Variants in FDFT1 observed in about 807,000 individuals in gnomAD.
The protein encoded by FDFT1 is farnesyl-diphosphate farnesyltransferase 1, also known as squalene synthase.
FDFT1 carries 68 observed loss-of-function variants against 46.8 expected under a neutral mutation model. The observed-to-expected ratio is 1.45, with a 90% confidence interval of 1.19 to 1.78. The LOEUF (loss-of-function observed/expected upper bound fraction) is 1.78, where lower values mean the gene tolerates loss of function less well. Among genes scored for constraint, FDFT1 ranks in the 40% most tolerant of loss-of-function variants. The probability of loss-of-function intolerance (pLI) is 0.00; values close to 1 mark genes in which losing one functional copy is unlikely to be tolerated. For missense variants in FDFT1, 928 were observed against 524.4 expected, an observed-to-expected ratio of 1.77 and a Z score of -7.52; for synonymous variants, 351 against 185.1, an observed-to-expected ratio of 1.90 and a Z score of -7.28.
At chr8:11,830,206 A>C in intron 5 of FDFT1, 38 bp from the exon 6 acceptor site, 2 of 1,517,604 alleles carry the variant, frequency 1.3e-6, no homozygotes, top group East Asian at 2.3e-5. Context: ...TCCCCTATGC[A>C]CACGCTGACC....
At position 11,822,265 on chromosome 8, in the gene FDFT1, T is replaced by A. The variant is rs370197831; in HGVS notation, c.510+387T>A. On this transcript the variant is annotated intron_variant, in intron 4 of 7. Coordinates refer to ENST00000220584, the MANE Select transcript of FDFT1 (RefSeq NM_004462.5). ...AGTAAAGACATTTTATTTATTTATT[T>A]TAAAGCCAGTCAGATTTAGCAGGCA... 2.2e-3 allele frequency among the ~76,000 whole-genome samples: 330 copies of A among 151,876 alleles called. 3 individuals are homozygous for A. Among genetic ancestry groups the A allele is most frequent in the African/African-American group, 7.8e-3 (320 of 41,160 alleles).
chr8:11,797,072 G>T (rs935828869), intron 1 of FDFT1, among the ~76,000 whole-genome samples: 14 of 152,232 alleles, frequency 9.2e-5, no homozygotes, highest in African/African-American at 3.1e-4. Flanking sequence ...CATTGCCATG[G>T]AAAGGGGTGG....
chr8:11,809,240 T>C (rs559616917), intron 2 of FDFT1: 10 of 1,151,090 alleles, frequency 8.7e-6, no homozygotes, highest in African/African-American at 6.4e-5. Context: ...GTTGATTCTT[T>C]TGAAGCTGCC....
intron 1 of FDFT1, among the ~76,000 whole-genome samples, chr8:11,796,781 C>G (rs577283565): frequency 6.6e-6 from 1 of 152,166 alleles, no homozygotes; most frequent in South Asian, 2.1e-4. Context: ...ACAGGCAAGC[C>G]CCAAATTGGG....
intron 3 of FDFT1, among the ~76,000 whole-genome samples, chr8:11,814,878 T>A (rs900941713): frequency 2.0e-5 from 3 of 152,186 alleles, no homozygotes; most frequent in African/African-American, 7.2e-5. Context: ...TTTCTTTTTC[T>A]TTTATTATAC....
chr8:11,819,466 C>G (rs540391435), intron 3 of FDFT1, among the ~76,000 whole-genome samples: 18 of 152,298 alleles, frequency 1.2e-4, no homozygotes, highest in African/African-American at 4.1e-4. Context: ...TCCATTCTGT[C>G]TATCACTTTC....
chr8:11,812,276 C>G (rs922649669), intron 3 of FDFT1, among the ~76,000 whole-genome samples: 1 of 152,236 alleles, frequency 6.6e-6, no homozygotes, highest in South Asian at 2.1e-4. Flanking sequence ...TGCGTCCGCA[C>G]AGTCTATTTC....
At chr8:11,830,097 C>T (rs569319678) in intron 5 of FDFT1, 147 bp from the exon 6 acceptor site, 15 of 670,438 alleles carry the variant, frequency 2.2e-5, no homozygotes, top group South Asian at 1.1e-4. Context: ...CCACCCTCCT[C>T]GGCCTCCCAA....
upstream of FDFT1, chr8:11,802,271 C>G (rs1806202238): frequency 2.6e-6 from 1 of 382,484 alleles, no homozygotes; most frequent in Non-Finnish European, 5.2e-6. Flanking sequence ...CTACAGAGAG[C>G]GGCTGCAGAG....
upstream of FDFT1, among the ~76,000 whole-genome samples, chr8:11,799,918 C>T (rs1444208659): frequency 1.4e-5 from 2 of 147,394 alleles, no homozygotes; most frequent in East Asian, 3.9e-4. Flanking sequence ...TGCACTCCAG[C>T]CTCACGACAG....
At chr8:11,817,608 C>T (rs552960969) in intron 3 of FDFT1, among the ~76,000 whole-genome samples, 3 of 152,260 alleles carry the variant, frequency 2.0e-5, no homozygotes, top group Non-Finnish European at 2.9e-5. Flanking sequence ...GTGTATGTGT[C>T]GAGGAATGTA....
At chr8:11,803,386 G>C in intron 1 of FDFT1, 1 of 1,289,676 alleles carries the variant, frequency 7.8e-7, no homozygotes, top group Non-Finnish European at 1.0e-6. Context: ...CACCTCTTCC[G>C]GAGCTCTCCC....
chr8:11,832,054 G>A (rs1001972721), intron 7 of FDFT1, among the ~76,000 whole-genome samples: 2 of 152,140 alleles, frequency 1.3e-5, no homozygotes, highest in Admixed American at 1.3e-4. Context: ...TCCCGTCCAT[G>A]TGTCCTGACA....
intron 7 of FDFT1, among the ~76,000 whole-genome samples, chr8:11,836,931 G>A (rs564326558): frequency 2.6e-5 from 4 of 152,382 alleles, no homozygotes; most frequent in South Asian, 2.1e-4. Context: ...ACAGGGCTAG[G>A]CTGGAGATAA....
intron 7 of FDFT1, among the ~76,000 whole-genome samples, chr8:11,832,101 T>A (rs1376262968): frequency 6.6e-6 from 1 of 152,164 alleles, no homozygotes; most frequent in Admixed American, 6.6e-5. Flanking sequence ...CAGGCCTCAA[T>A]TGAAAAATCA....
At chr8:11,806,032 C>T (rs185521016) in intron 1 of FDFT1, among the ~76,000 whole-genome samples, 17 of 152,024 alleles carry the variant, frequency 1.1e-4, no homozygotes, top group Admixed American at 5.2e-4. Context: ...GGTTTTTTTC[C>T]CCTCCTGGAG....
At chr8:11,820,852 G>T (rs1011470637) in intron 3 of FDFT1, among the ~76,000 whole-genome samples, 3 of 152,180 alleles carry the variant, frequency 2.0e-5, no homozygotes, top group Non-Finnish European at 4.4e-5. Context: ...GCCCTGCTTT[G>T]GCTCACCCTC....
chr8:11,814,700 A>C (rs900704519), intron 3 of FDFT1, among the ~76,000 whole-genome samples: 1 of 152,246 alleles, frequency 6.6e-6, no homozygotes, highest in South Asian at 2.1e-4. Context: ...TGGAAAAAGT[A>C]TTGGGCAGCA....
upstream of FDFT1, among the ~76,000 whole-genome samples, chr8:11,798,803 T>C (rs1229769900): frequency 1.3e-5 from 2 of 152,210 alleles, no homozygotes; most frequent in East Asian, 3.8e-4. Context: ...TGAGGGGACA[T>C]TAGTGAGCAA....
Sources: gnomAD v4.1 joint callset for allele counts (sites outside exome capture counted in the v4.1 genomes callset) on GRCh38, gnomAD v4.1.1 for gene constraint, MANE v1.5 for transcripts, NCBI Gene and HGNC (gene_info 2026-07-23, HGNC 2026-07-21) for gene names.